The following SDCBP variants were observed in gnomAD, a reference collection of about 807,000 sequenced individuals.
The protein encoded by SDCBP is syndecan binding protein, also known as syntenin-1.
A neutral mutation model predicts 30.5 loss-of-function variants in SDCBP; 22 were observed. The observed-to-expected ratio is 0.72, with a 90% CI of 0.52 to 1.03. SDCBP has a LOEUF of 1.03. Among genes scored for constraint, SDCBP ranks in the 50% least tolerant of loss-of-function variants. SDCBP has a pLI of 0.00. For synonymous variants in SDCBP, 103 were observed against 118.7 expected (o/e 0.87, Z 0.86); for missense variants, 304 against 369.9 (o/e 0.82, Z 1.46).
chr8:58,565,011 T>A lies in SDCBP; in HGVS notation c.-15-8T>A. Reference sequence around the variant, plus strand: ...ATTAGAGTAATAAAACTTTCTTTTTTTCTTTAGAAGAATCCTGCAAAAATG... The same window carrying A: ...ATTAGAGTAATAAAACTTTCTTTTTATCTTTAGAAGAATCCTGCAAAAATG... On this transcript the variant is annotated splice_polypyrimidine_tract_variant and splice_region_variant and intron_variant, in intron 1 of 8. Transcript: ENST00000260130. The A allele has an allele frequency of 1.3e-6, 2 of 1,556,774 alleles. No individual in the cohort carries two copies. The highest frequency in any genetic ancestry group is 1.8e-6 in the Non-Finnish European group (2 of 1,136,446).
chr8:58,570,687 T>C (rs1804966163), intron 2 of SDCBP, 200 bp from the exon 3 acceptor site: 1 of 497,056 alleles, frequency 2.0e-6, no homozygotes, highest in Admixed American at 3.3e-5. Context: ...GCCTTAAAAG[T>C]ATTTAGAATA....
intron 2 of SDCBP, among the ~76,000 whole-genome samples, chr8:58,567,989 A>G (rs566312592): frequency 4.7e-4 from 72 of 152,160 alleles, no homozygotes; most frequent in Non-Finnish European, 8.2e-4. Context: ...CGGTGAGTGA[A>G]TGTGAGGCCT....
At position 58,555,220 on chromosome 8, in the gene SDCBP, T is replaced by C. The variant is rs144874232; in HGVS notation, c.-16+1917T>C. 2.6e-5 allele frequency among the ~76,000 whole-genome samples: 4 copies of C among 152,298 alleles called. No individual in the cohort carries two copies. The East Asian group carries it at 7.7e-4, about 29-fold the overall frequency. ...ACATATGTTGCTTCCTTTGTGCACA[T>C]ATATTTTTACACTTCAGGTTTTGAG... On this transcript the variant is annotated intron_variant, in intron 1 of 8. Transcript: ENST00000260130.
Position 58,579,629 on chromosome 8 carries a change from TG to T in SDCBP, c.586del (p.Glu196AsnfsTer23), listed in dbSNP as rs1438753532. 2.6e-6 allele frequency: 4 copies of T among 1,567,234 alleles called. No individual in the cohort carries two copies. The African/African-American group carries it at 5.5e-5, about 21-fold the overall frequency. On this transcript the variant is annotated frameshift_variant, in exon 7 of 9. Transcript: ENST00000260130. LOFTEE classifies it high-confidence loss of function. ...GAACCAATTATGTTTGTAGGCCCTT[TG>T]AACGGACGATTACCATGCATAAGGA... ...ITMTIRDRPF[E>X]RTITMHKDST... is the part of the protein sequence containing the mutation.
rs567395472 is a variant in SDCBP, at chr8:58,576,733, T to C, written c.402+672T>C. Among the ~76,000 whole-genome samples, 11 of 152,360 alleles carry C rather than the reference T, an allele frequency of 7.2e-5. No individual in the cohort carries two copies. The East Asian group carries it at 1.9e-3, about 27-fold the overall frequency. On this transcript the variant is annotated intron_variant, in intron 5 of 8. Transcript: ENST00000260130. Reference sequence around the variant, plus strand: ...TTACTCTCTGAGGAACCATTTATAATTGTGAAGGACATGTTGAGTCTTTAC... The same window carrying C: ...TTACTCTCTGAGGAACCATTTATAACTGTGAAGGACATGTTGAGTCTTTAC...
chr8:58,556,977 CAT>C lies in SDCBP; in HGVS notation c.-16+3676_-16+3677del, dbSNP rs1231201252. Reference sequence around the variant, plus strand: ...ATAATGATTTATATATTATATATAACATAATATATATTGTATATCATACTATT... The same window carrying C: ...ATAATGATTTATATATTATATATAACAATATATATTGTATATCATACTATT... On this transcript the variant is annotated intron_variant, in intron 1 of 8. Coordinates refer to ENST00000260130, the MANE Select transcript of SDCBP (RefSeq NM_005625.4). 2.7e-4 allele frequency among the ~76,000 whole-genome samples: 37 copies of C among 135,544 alleles called. No individual in the cohort carries two copies. The South Asian group carries it at 4.7e-3, about 17-fold the overall frequency. 88.9% of individuals were successfully genotyped at this position (135,544 alleles called of 152,430 possible).
chr8:58,569,978 C>T (rs1804925838), intron 2 of SDCBP, among the ~76,000 whole-genome samples: 1 of 152,124 alleles, frequency 6.6e-6, no homozygotes, highest in South Asian at 2.1e-4. Flanking sequence ...TTTGGGAATA[C>T]TCTTGACATT....
intron 8 of SDCBP, among the ~76,000 whole-genome samples, chr8:58,581,117 G>A (rs140842421): frequency 1.8e-4 from 28 of 152,188 alleles, no homozygotes; most frequent in Admixed American, 2.0e-4. Flanking sequence ...GAGGCAACAA[G>A]GTTCCTTCTA....
In SDCBP at chr8:58,572,274, G is replaced by T; in HGVS notation, c.200G>T (p.Arg67Leu). Residue 67 changes from arginine (R) to leucine (L), a missense_variant, in exon 4 of 9, where the codon CGT (arginine) becomes CTT (leucine). Physicochemically the swap from Arg to Leu is moderately radical, Grantham distance 102. Transcript: ENST00000260130. Reference sequence around the variant, plus strand: ...CTGAGTTTAAATGAAGAAGAAATACGTGCAAATGTGGCCGTGGTTTCTGGT... The same window carrying T: ...CTGAGTTTAAATGAAGAAGAAATACTTGCAAATGTGGCCGTGGTTTCTGGT... ...MGLSLNEEEI[R>L]ANVAVVSGAP... 3 of 1,612,464 alleles carry T rather than the reference G, an allele frequency of 1.9e-6. No individual in the cohort carries two copies. Among genetic ancestry groups the T allele is most frequent in the Non-Finnish European group, 2.5e-6 (3 of 1,179,570 alleles).
In SDCBP at chr8:58,579,889, G is replaced by C. The variant is rs192725453; in HGVS notation, c.750+95G>C. 13 of 1,198,692 alleles carry C rather than the reference G, an allele frequency of 1.1e-5. 1 individual carries two copies. In the Admixed American group the frequency reaches 3.0e-4, roughly 28 times the overall value. The allele number at this position is 1,198,692 out of a possible 1,614,324, so 74.3% of individuals were successfully genotyped here. A position where few individuals can be genotyped will look rare whatever the true frequency, so the allele number is the denominator to read the frequency against. On this transcript the variant is annotated intron_variant, in intron 7 of 8. Transcript: ENST00000260130. ...GTGGCGCTGTTTTCATATTGACTTA[G>C]GTGGGAGATGGGGAACGTGGGGCCT...
rs747517255 is a variant in SDCBP at position 58,576,053 on chromosome 8, A to G, written c.394A>G (p.Ile132Val). Residue 132 changes from isoleucine to valine, a missense_variant, in exon 5 of 9, where the codon ATA becomes GTA. Transcript: ENST00000260130. ...AAAAATTGGACTCAGGCTTAAATCA[A>G]TAGATAATGTAAGTATTTTAAATAC... is the stretch of plus-strand genomic sequence containing the variant. The part of the protein sequence containing the change: ...DGKIGLRLKS[I>V]DNGIFVQLVQ... The G allele has an allele frequency of 1.9e-6, 3 of 1,607,838 alleles. No homozygotes were observed. The highest frequency in any genetic ancestry group is 2.7e-5 in the African/African-American group (2 of 74,792).
chr8:58,581,361 C>A (rs1013037004), intron 8 of SDCBP, among the ~76,000 whole-genome samples: 5 of 152,122 alleles, frequency 3.3e-5, no homozygotes, highest in African/African-American at 1.2e-4. Context: ...TTTCTTAAAT[C>A]ACTGATGGAT....
Position 58,573,548 on chromosome 8 carries a change from A to G in SDCBP, c.240+1234A>G, listed in dbSNP as rs77164230. ...AGAGCCCCACGGAGCTGGGACTCAG[A>G]CCTTGGATGAGGGGACACTACTAGT... is the stretch of plus-strand genomic sequence containing the variant. On this transcript the variant is annotated intron_variant, in intron 4 of 8. Transcript: ENST00000260130. Among the ~76,000 whole-genome samples, 1,442 of 152,282 alleles carry G rather than the reference A, an allele frequency of 9.5e-3. 21 individuals carry two copies. Among genetic ancestry groups the G allele is most frequent in the African/African-American group, 0.033 (1,365 of 41,556 alleles).
chr8:58,567,959 TG>T (rs1181602997), intron 2 of SDCBP, among the ~76,000 whole-genome samples: 2 of 152,200 alleles, frequency 1.3e-5, no homozygotes, highest in Admixed American at 1.3e-4. Flanking sequence ...GAAGTTGCGC[TG>T]GGTAAGTCAG....
intron 3 of SDCBP, among the ~76,000 whole-genome samples, chr8:58,571,450 G>T (rs34321771): frequency 6.6e-6 from 1 of 151,976 alleles, no homozygotes; most frequent in African/African-American, 2.4e-5. Context: ...TTTCTTCAAG[G>T]TTCAGAGGGA....
At chr8:58,556,793 T>A (rs12547751) in intron 1 of SDCBP, among the ~76,000 whole-genome samples, 13,061 of 148,678 alleles carry the variant, frequency 0.088, 1,231 homozygotes, top group Admixed American at 0.29. Flanking sequence ...GAGGGACAAA[T>A]GGGAAACTTG....
rs1805757759 is a variant in SDCBP, at chr8:58,582,694, T to C, written c.*954T>C. The C allele has an allele frequency of 6.6e-6, 1 of 152,662 alleles. No individual in the cohort carries two copies. The highest frequency in any genetic ancestry group is 1.5e-5 in the Non-Finnish European group (1 of 68,034). 9.5% of individuals were successfully genotyped at this position (152,662 alleles called of 1,614,324 possible). On this transcript the variant is annotated 3_prime_UTR_variant, in exon 9 of 9. Coordinates refer to ENST00000260130, the MANE Select transcript of SDCBP (RefSeq NM_005625.4). ...GACTCTTAAGATTATGTAACCTAGCTACTTTGGGATGGTCTTAGAATATTT... is the reference window on the plus strand; with the variant it reads ...GACTCTTAAGATTATGTAACCTAGCCACTTTGGGATGGTCTTAGAATATTT...
intron 2 of SDCBP, among the ~76,000 whole-genome samples, chr8:58,568,162 C>T (rs1159992289): frequency 1.3e-5 from 2 of 152,156 alleles, no homozygotes; most frequent in African/African-American, 2.4e-5. Context: ...GTTTAAAACA[C>T]AAACATTGTA....
intron 8 of SDCBP, 99 bp downstream of exon 8, chr8:58,580,707 T>C: frequency 1.5e-6 from 1 of 674,290 alleles, no homozygotes; most frequent in Non-Finnish European, 2.6e-6. Context: ...ACCCAAGGAA[T>C]GGATACTGGT....
Sources: allele counts gnomAD v4.1 joint callset (sites outside exome capture counted in the v4.1 genomes callset), GRCh38; gene constraint gnomAD v4.1.1; transcripts MANE v1.5; gene names NCBI Gene and HGNC (gene_info 2026-07-23, HGNC 2026-07-21).